The following INCA1 variants were observed in gnomAD, a reference collection of about 807,000 sequenced individuals.
INCA1 encodes inhibitor of CDK, cyclin A1 interacting protein 1.
In INCA1, 28 loss-of-function variants were observed where a neutral mutation model predicts 25.7. That is an observed-to-expected ratio of 1.09 (90% CI 0.81 to 1.49). The LOEUF (loss-of-function observed/expected upper bound fraction) is 1.49. Ranked by LOEUF, INCA1 falls within the 40% of genes most tolerant of loss-of-function variation. The pLI, the probability that INCA1 is intolerant of heterozygous loss-of-function variation, is 0.00. For missense variants in INCA1, 309 were observed against 290.9 expected (o/e 1.06, Z -0.45); for synonymous variants, 111 against 103.6 (o/e 1.07, Z -0.43).
chr17:4,994,812 A>G (rs112832090), intron 1 of INCA1, among the ~76,000 whole-genome samples: 3,639 of 139,030 alleles, frequency 0.026, 172 homozygotes, highest in African/African-American at 0.093. Flanking sequence ...AAAAAAAAAA[A>G]AGGCATTCAT....
exon 3 of INCA1, chr17:4,990,242 G>A (rs1973776924): frequency 6.2e-7 from 1 of 1,614,022 alleles, no homozygotes; most frequent in South Asian, 1.1e-5. Flanking sequence ...TGGGGGTGGA[G>A]ATCGGCTGAC....
intron 5 of INCA1, 44 bp from the exon 6 acceptor site, chr17:4,988,988 G>GCA: frequency 6.4e-7 from 1 of 1,567,338 alleles, no homozygotes. Flanking sequence ...TGGAGGCCAG[G>GCA]CTTCCTGTCT....
intron 1 of INCA1, among the ~76,000 whole-genome samples, chr17:4,995,127 C>T (rs1194857158): frequency 6.6e-6 from 1 of 151,782 alleles, no homozygotes; most frequent in Non-Finnish European, 1.5e-5. Context: ...ATCACTTGAA[C>T]CAGGGAGTAG....
chr17:4,990,073 C>T (rs1235814860), intron 3 of INCA1, 79 bp downstream of exon 3: 12 of 1,610,144 alleles, frequency 7.5e-6, no homozygotes, highest in African/African-American at 5.3e-5. Flanking sequence ...CAGACTAGGG[C>T]CTATTGCTAT....
At chr17:4,988,459 T>C in exon 7 of INCA1, 1 of 1,613,792 alleles carries the variant, frequency 6.2e-7, no homozygotes, top group Non-Finnish European at 8.5e-7. Flanking sequence ...GGGGGTTCCT[T>C]CTGGCTGTGA....
exon 7 of INCA1, chr17:4,988,540 G>C: frequency 6.2e-7 from 1 of 1,610,986 alleles, no homozygotes; most frequent in Non-Finnish European, 8.5e-7. Context: ...GGGGGCTCCA[G>C]GGAGACCAAA....
rs369593282 is a variant in INCA1 at position 4,989,870 on chromosome 17, C to T, written c.198+20G>A. The T allele has an allele frequency of 3.9e-5, 63 of 1,614,010 alleles. No homozygotes were observed. The African/African-American group carries it at 4.5e-4, about 12-fold the overall frequency. On this transcript the variant is annotated intron_variant, in intron 4 of 6. Transcript: ENST00000576820. ...GCAATTTTAACAGAGAAATGTTAAA[C>T]GGCAGAGGGTCTGTCTTACCAGCAT... is the stretch of plus-strand genomic sequence containing the variant.
intron 5 of INCA1, among the ~76,000 whole-genome samples, 158 bp from the exon 6 acceptor site, chr17:4,989,102 CTG>C (rs1025607988): frequency 2.0e-5 from 3 of 152,210 alleles, no homozygotes; most frequent in Non-Finnish European, 2.9e-5. Flanking sequence ...TCCCCTCAGA[CTG>C]AAGCATATTG....
chr17:4,996,830 G>A (rs1313982474), intron 1 of INCA1: 1 of 153,154 alleles, frequency 6.5e-6, no homozygotes, highest in African/African-American at 2.4e-5. Flanking sequence ...CAAAAGCGGA[G>A]AGAAGTATAC....
chr17:4,989,354 C>T lies in INCA1; in HGVS notation c.395+74G>A, dbSNP rs1973659164. 4.2e-6 allele frequency: 6 copies of T among 1,420,784 alleles called. No individual in the cohort carries two copies. The South Asian group carries it at 7.9e-5, about 19-fold the overall frequency. 88.0% of individuals were successfully genotyped at this position (1,420,784 alleles called of 1,614,324 possible). ...CAAACCTCCCCTCAAAGCTGTCAAC[C>T]CCTTCCTTAGCTCAAACTGTTCTGC... On this transcript the variant is annotated intron_variant, in intron 5 of 6. Coordinates refer to ENST00000576820, the Ensembl canonical transcript of INCA1.
rs529723936 is a variant in INCA1, at chr17:4,992,782, T to C, written c.44+1612A>G. 1.7e-3 allele frequency among the ~76,000 whole-genome samples: 222 copies of C among 130,110 alleles called. 1 individual carries two copies. Among genetic ancestry groups the C allele is most frequent in the Middle Eastern group, 5.2e-3 (1 of 192 alleles). The allele number at this position is 130,110 out of a possible 152,430, so 85.4% of individuals were successfully genotyped here. ...TGGAGTGCAGTGCTGTAATCATAGC[T>C]CACTGCAGACTCAAACTCTTGGGCT... On this transcript the variant is annotated intron_variant, in intron 2 of 6. Transcript: ENST00000576820.
chr17:4,996,503 G>A (rs933528169), intron 1 of INCA1, among the ~76,000 whole-genome samples: 5 of 151,432 alleles, frequency 3.3e-5, no homozygotes, highest in Admixed American at 2.0e-4. Context: ...CCAACACAGC[G>A]AAACCCAGTC....
chr17:4,989,697 G>A (rs1973702477), intron 4 of INCA1, 73 bp from the exon 5 acceptor site: 2 of 1,584,052 alleles, frequency 1.3e-6, no homozygotes, highest in East Asian at 2.2e-5. Context: ...ATTGAACTAG[G>A]TAGGGAGTCT....
intron 1 of INCA1, among the ~76,000 whole-genome samples, chr17:4,994,998 G>A (rs1974140489): frequency 6.6e-6 from 1 of 152,112 alleles, no homozygotes; most frequent in Non-Finnish European, 1.5e-5. Context: ...CTGAGGTTGG[G>A]AGTTCGAGAC....
At chr17:4,990,114 A>C (rs760250773) in intron 3 of INCA1, 38 bp downstream of exon 3, 1 of 1,613,288 alleles carries the variant, frequency 6.2e-7, no homozygotes, top group Non-Finnish European at 8.5e-7. Context: ...TCCAGTTAAG[A>C]CCACATCCAG....
chr17:4,988,710 C>G (rs953663105), intron 6 of INCA1, 69 bp downstream of exon 6: 9 of 1,590,836 alleles, frequency 5.7e-6, no homozygotes, highest in Non-Finnish European at 7.7e-6. Flanking sequence ...CTCTCAGCTT[C>G]TGCATCTCCA....
chr17:4,997,109 G>A (rs1974342955), upstream of INCA1: 1 of 152,752 alleles, frequency 6.5e-6, no homozygotes, highest in Non-Finnish European at 1.5e-5. Context: ...AGGACCCGAG[G>A]GTCCGGCTGG....
At chr17:4,994,308 T>C in intron 2 of INCA1, 86 bp downstream of exon 2, 1 of 1,261,470 alleles carries the variant, frequency 7.9e-7, no homozygotes, top group Admixed American at 1.7e-5. Flanking sequence ...CCGTTCTTTA[T>C]TTCCTAATCC....
chr17:4,990,208 T>G (rs775085748), exon 3 of INCA1: 1 of 1,614,116 alleles, frequency 6.2e-7, no homozygotes, highest in Non-Finnish European at 8.5e-7. Flanking sequence ...GGGGCATGGG[T>G]CTGAGGCTCT....
Sources: allele counts gnomAD v4.1 joint callset (sites outside exome capture counted in the v4.1 genomes callset), GRCh38; gene constraint gnomAD v4.1.1; transcripts MANE v1.5; gene names NCBI Gene and HGNC (gene_info 2026-07-23, HGNC 2026-07-21).